The following ZYG11B variants were observed in gnomAD, a reference collection of about 807,000 sequenced individuals.
ZYG11B encodes zyg-11 family member B, cell cycle regulator.
Under a neutral mutation model 82.4 loss-of-function variants are expected in ZYG11B, and 36 were observed. That is an observed-to-expected ratio of 0.44 (90% CI 0.33 to 0.58). The LOEUF (loss-of-function observed/expected upper bound fraction) is 0.58, where lower values mean the gene tolerates loss of function less well. Ranked by LOEUF, ZYG11B falls within the 20% of genes least tolerant of loss-of-function variation. The pLI, the probability that ZYG11B is intolerant of heterozygous loss-of-function variation, is 0.02. For missense variants in ZYG11B, 552 were observed against 895.6 expected (o/e 0.62, Z 4.90); for synonymous variants, 303 against 312.8 (o/e 0.97, Z 0.33).
At position 52,726,492 on chromosome 1, in the gene ZYG11B, G is replaced by A. The variant is rs1571732506; in HGVS notation, c.-162G>A. 1 of 611,752 alleles carries A rather than the reference G, an allele frequency of 1.6e-6. No homozygotes were observed. The highest frequency in any genetic ancestry group is 2.4e-6 in the Non-Finnish European group (1 of 419,434). The allele number at this position is 611,752 out of a possible 1,614,324, so 37.9% of individuals were successfully genotyped here. A position where few individuals can be genotyped will look rare whatever the true frequency, so the allele number is the denominator to read the frequency against. Reference sequence around the variant, plus strand: ...GGTTCGGGCTGCGGCTGCGGCTGCGGCTGCGGCTGCTACTGCTACGCTCCT... The same window carrying A: ...GGTTCGGGCTGCGGCTGCGGCTGCGACTGCGGCTGCTACTGCTACGCTCCT... On this transcript the variant is annotated 5_prime_UTR_variant, in exon 1 of 14. Coordinates refer to ENST00000294353, the MANE Select transcript of ZYG11B (RefSeq NM_024646.3).
At chr1:52,751,009 G>C (rs1644517951) in intron 1 of ZYG11B, among the ~76,000 whole-genome samples, 1 of 151,984 alleles carries the variant, frequency 6.6e-6, no homozygotes, top group South Asian at 2.1e-4. Flanking sequence ...CAGTCATCTG[G>C]TTTTTGTTGT....
At chr1:52,772,941 T>C (rs1196699621) in intron 3 of ZYG11B, among the ~76,000 whole-genome samples, 1 of 152,052 alleles carries the variant, frequency 6.6e-6, no homozygotes, top group African/African-American at 2.4e-5. Context: ...CCTCCCAAAG[T>C]GCTGGGATTA....
At chr1:52,756,776 A>G (rs779704916) in intron 2 of ZYG11B, among the ~76,000 whole-genome samples, 153 bp downstream of exon 2, 26 of 149,804 alleles carry the variant, frequency 1.7e-4, no homozygotes, top group Non-Finnish European at 1.9e-4. Flanking sequence ...ATTTTTACCT[A>G]TCTTGCCTCT....
At position 52,823,690 on chromosome 1, in the gene ZYG11B, T is replaced by C. The variant is rs1408102761; in HGVS notation, c.*2061T>C. ...GAAGTTTGGCTTCAAGTTTCTGTTT[T>C]ATAAGACAAAAGTGCATATTTCTTT... On this transcript the variant is annotated 3_prime_UTR_variant, in exon 14 of 14. Transcript: ENST00000294353. 2 of 152,230 alleles carry C rather than the reference T, an allele frequency of 1.3e-5. No individual in the cohort carries two copies. Among genetic ancestry groups the C allele is most frequent in the Admixed American group, 1.3e-4 (2 of 15,278 alleles). 9.4% of individuals were successfully genotyped at this position (152,230 alleles called of 1,614,324 possible). A position where few individuals can be genotyped will look rare whatever the true frequency, so the allele number is the denominator to read the frequency against.
intron 2 of ZYG11B, among the ~76,000 whole-genome samples, chr1:52,757,983 C>G (rs193179093): frequency 6.6e-6 from 1 of 151,420 alleles, no homozygotes; most frequent in Non-Finnish European, 1.5e-5. Context: ...GGGCGGATCA[C>G]GAGGTCAGGA....
chr1:52,809,300 C>A (rs545109180), intron 10 of ZYG11B, among the ~76,000 whole-genome samples: 1 of 152,230 alleles, frequency 6.6e-6, no homozygotes, highest in Admixed American at 6.5e-5. Flanking sequence ...TAAAACTGAA[C>A]GTCTGTAACC....
At position 52,803,251 on chromosome 1, in the gene ZYG11B, TATATATATATATATACACACACACACAC is replaced by T. The variant is rs1558140651; in HGVS notation, c.1695+1128_1695+1155del. On this transcript the variant is annotated intron_variant, in intron 10 of 13. Coordinates refer to ENST00000294353, the MANE Select transcript of ZYG11B (RefSeq NM_024646.3). ...ACACATATATATATACACACACACA[TATATATATATATATACACACACACACAC>T]ATATATATATATATATATACACATA... Among the ~76,000 whole-genome samples, 583 of 62,722 alleles carry T rather than the reference TATATATATATATATACACACACACACAC, an allele frequency of 9.3e-3. 57 individuals are homozygous for T. Among genetic ancestry groups the T allele is most frequent in the African/African-American group, 0.064 (561 of 8,722 alleles). 41.1% of individuals were successfully genotyped at this position (62,722 alleles called of 152,430 possible).
chr1:52,812,589 G>A (rs1172211480), intron 10 of ZYG11B, among the ~76,000 whole-genome samples: 1 of 151,878 alleles, frequency 6.6e-6, no homozygotes, highest in South Asian at 2.1e-4. Context: ...TTTTTTAGTA[G>A]AGATGGGGTT....
intron 3 of ZYG11B, chr1:52,772,256 T>C: frequency 7.6e-7 from 1 of 1,318,420 alleles, no homozygotes; most frequent in Non-Finnish European, 1.1e-6. Context: ...AGGACTCGCT[T>C]GGTCTTATAA....
chr1:52,802,218 C>G, intron 10 of ZYG11B, 79 bp downstream of exon 10: 1 of 1,409,240 alleles, frequency 7.1e-7, no homozygotes, highest in South Asian at 1.3e-5. Flanking sequence ...AGTTGCAGCT[C>G]TGCAGTGGCA....
intron 1 of ZYG11B, among the ~76,000 whole-genome samples, chr1:52,745,597 C>T (rs1157222893): frequency 1.3e-5 from 2 of 152,160 alleles, no homozygotes; most frequent in Non-Finnish European, 2.9e-5. Context: ...TGGAGTCTCA[C>T]TCTGTTGCCC....
chr1:52,797,272 TA>T (rs1379175272), intron 8 of ZYG11B, among the ~76,000 whole-genome samples: 2 of 81,964 alleles, frequency 2.4e-5, no homozygotes, highest in African/African-American at 1.2e-4. Context: ...ATATTATATA[TA>T]AAATATTTAT....
At chr1:52,794,091 C>T (rs1490300014) in intron 6 of ZYG11B, among the ~76,000 whole-genome samples, 4 of 152,012 alleles carry the variant, frequency 2.6e-5, no homozygotes. Context: ...TCTCCTGCCT[C>T]AGCCTCCCGA....
rs1558148168 is a variant in ZYG11B at position 52,826,457 on chromosome 1, G to T, written c.*4828G>T. On this transcript the variant is annotated 3_prime_UTR_variant, in exon 14 of 14. Coordinates refer to ENST00000294353, the MANE Select transcript of ZYG11B (RefSeq NM_024646.3). ...TGATGAGAATAGCCGTATGATAAGA[G>T]AATTTGCTCATCGTGCTTTAAATGA... 1.3e-5 allele frequency: 2 copies of T among 152,188 alleles called. No individual in the cohort carries two copies. Among genetic ancestry groups the T allele is most frequent in the South Asian group, 2.1e-4 (1 of 4,828 alleles). 9.4% of individuals were successfully genotyped at this position (152,188 alleles called of 1,614,324 possible).
chr1:52,793,868 T>TTTCTTTCC (rs1553261659), intron 6 of ZYG11B, among the ~76,000 whole-genome samples: 5 of 95,436 alleles, frequency 5.2e-5, no homozygotes, highest in East Asian at 4.2e-4. Context: ...CTTTTCTTTC[T>TTTCTTTCC]TTCCTTCCTT....
intron 13 of ZYG11B, among the ~76,000 whole-genome samples, chr1:52,817,816 T>TATGTA (rs1160186535): frequency 1.2e-4 from 1 of 8,114 alleles, no homozygotes; most frequent in African/African-American, 2.8e-4. Flanking sequence ...TATATATATA[T>TATGTA]TTTTTTTTTT....
intron 1 of ZYG11B, among the ~76,000 whole-genome samples, chr1:52,748,047 A>G (rs967836965): frequency 6.6e-6 from 1 of 152,214 alleles, no homozygotes; most frequent in African/African-American, 2.4e-5. Flanking sequence ...TACAATTATA[A>G]TTATGATATT....
At chr1:52,781,241 G>A (rs1475817283) in intron 4 of ZYG11B, among the ~76,000 whole-genome samples, 2 of 151,934 alleles carry the variant, frequency 1.3e-5, no homozygotes, top group Non-Finnish European at 2.9e-5. Flanking sequence ...GCTCACACCT[G>A]TAATCCCAGT....
At position 52,780,012 on chromosome 1, in the gene ZYG11B, A is replaced by C; in HGVS notation, c.1092+19A>C. 1.9e-6 allele frequency: 3 copies of C among 1,601,896 alleles called. No individual in the cohort carries two copies. Among genetic ancestry groups the C allele is most frequent in the Non-Finnish European group, 2.6e-6 (3 of 1,175,932 alleles). On this transcript the variant is annotated intron_variant, in intron 4 of 13. Transcript: ENST00000294353. ...TTTAAAGGTAAGAATAAGAAACTGG[A>C]TATGAAATTTTTGAAATGATCTCCC...
Sources: allele counts gnomAD v4.1 joint callset (sites outside exome capture counted in the v4.1 genomes callset), GRCh38; gene constraint gnomAD v4.1.1; transcripts MANE v1.5; gene names NCBI Gene and HGNC (gene_info 2026-07-23, HGNC 2026-07-21).